The following GUCY2F variants were observed in gnomAD, a reference collection of about 807,000 sequenced individuals.
The protein encoded by GUCY2F is guanylate cyclase 2F, retinal.
In GUCY2F, 61 loss-of-function variants were observed where a neutral mutation model predicts 73.1. The observed-to-expected ratio is 0.83, with a 90% CI of 0.68 to 1.03. The LOEUF (loss-of-function observed/expected upper bound fraction) is 1.03. Ranked by LOEUF, GUCY2F falls within the 50% of genes least tolerant of loss-of-function variation. The pLI is 0.00. For synonymous variants in GUCY2F, 331 were observed against 307.8 expected, an observed-to-expected ratio of 1.08 and a Z score of -0.79; for missense variants, 912 against 854.3, an observed-to-expected ratio of 1.07 and a Z score of -0.84.
At chrX:109,456,207 T>C (rs1932256373) in intron 3 of GUCY2F, among the ~76,000 whole-genome samples, 1 of 112,400 alleles carries the variant, frequency 8.9e-6, no homozygotes, top group South Asian at 3.6e-4. Flanking sequence ...TTCCCTCTCC[T>C]GACATTCTTG....
chrX:109,475,897 A>G lies in GUCY2F; in HGVS notation c.40T>C (p.Trp14Arg). The G allele has an allele frequency of 8.3e-7, 1 of 1,209,068 alleles. No homozygotes were observed. The highest frequency in any genetic ancestry group is 1.1e-6 in the Non-Finnish European group (1 of 894,452). ...GLGRFSRLVL[W>R]FAAFRKLLGH... ...AGCAGTTTCCTGAAAGCCGCAAACCAGAGAACAAGGCGAGAAAAGCGCCCG... is the reference window on the plus strand; with the variant it reads ...AGCAGTTTCCTGAAAGCCGCAAACCGGAGAACAAGGCGAGAAAAGCGCCCG... Residue 14 changes from tryptophan to arginine, a missense_variant, in exon 2 of 20, where the codon TGG (tryptophan) becomes CGG (arginine). By Grantham distance (101) the Trp-to-Arg change is moderately radical (BLOSUM62 -3). Coordinates refer to ENST00000218006, the MANE Select transcript of GUCY2F (RefSeq NM_001522.3).
intron 8 of GUCY2F, among the ~76,000 whole-genome samples, chrX:109,420,157 A>G (rs1191288040): frequency 9.4e-6 from 1 of 106,443 alleles, no homozygotes; most frequent in Non-Finnish European, 2.0e-5. Flanking sequence ...ACAAAAAGTA[A>G]TTCAAAATGG....
chrX:109,435,742 C>A (rs1244155953), intron 7 of GUCY2F, among the ~76,000 whole-genome samples: 3 of 111,604 alleles, frequency 2.7e-5, no homozygotes, highest in Non-Finnish European at 5.6e-5. Context: ...TTTGCCCATT[C>A]AGTATGATAT....
chrX:109,408,991 C>A lies in GUCY2F; in HGVS notation c.1968+1G>T. On this transcript the variant is annotated splice_donor_variant, in intron 9 of 19. Coordinates refer to ENST00000218006, the MANE Select transcript of GUCY2F (RefSeq NM_001522.3). LOFTEE classifies it high-confidence loss of function. ...AAGATTTCCTCAGTCTTCCCATTAA[C>A]CTTTATGAGATCCAGCAAGAGTGAT... is the stretch of plus-strand genomic sequence containing the variant. 9.4e-7 allele frequency: 1 copy of A among 1,063,064 alleles called. No homozygotes were observed. Among genetic ancestry groups the A allele is most frequent in the South Asian group, 1.9e-5 (1 of 52,384 alleles). 87.6% of individuals were successfully genotyped at this position (1,063,064 alleles called of 1,213,427 possible).
chrX:109,420,378 CAAAG>C lies in GUCY2F; in HGVS notation c.1791+9925_1791+9928del, dbSNP rs1014052134. Reference sequence around the variant, plus strand: ...AAAGAAAGAGAGAGAGAGAGAAAGACAAAGAGAAAGAAAGTAGGAGGGACAAAGG... The same window carrying C: ...AAAGAAAGAGAGAGAGAGAGAAAGACAGAAAGAAAGTAGGAGGGACAAAGG... On this transcript the variant is annotated intron_variant, in intron 8 of 19. Transcript: ENST00000218006. Among the ~76,000 whole-genome samples, 9 of 97,540 alleles carry C rather than the reference CAAAG, an allele frequency of 9.2e-5. No homozygotes were observed. The Admixed American group carries it at 1.0e-3, about 11-fold the overall frequency. The allele number at this position is 97,540 out of a possible 115,157, so 84.7% of individuals were successfully genotyped here. A position where few individuals can be genotyped will look rare whatever the true frequency, so the allele number is the denominator to read the frequency against.
intron 16 of GUCY2F, 105 bp downstream of exon 16, chrX:109,385,079 C>A: frequency 6.9e-6 from 3 of 436,920 alleles, no homozygotes; most frequent in Non-Finnish European, 8.1e-6. Context: ...TTCTTTAAAA[C>A]ATTGAAACAT....
chrX:109,435,696 G>C (rs753925271), intron 7 of GUCY2F, among the ~76,000 whole-genome samples: 128 of 111,111 alleles, frequency 1.2e-3, no homozygotes, highest in African/African-American at 4.0e-3. Context: ...GGGCATCCCT[G>C]TCTTGTGCCA....
At chrX:109,429,183 G>A (rs1311672051) in intron 8 of GUCY2F, among the ~76,000 whole-genome samples, 9 of 111,761 alleles carry the variant, frequency 8.1e-5, no homozygotes, top group Admixed American at 3.8e-4. Context: ...AGGCTGAGGC[G>A]GGCAGATCAC....
At chrX:109,416,210 G>C (rs1481119379) in intron 8 of GUCY2F, among the ~76,000 whole-genome samples, 1 of 110,293 alleles carries the variant, frequency 9.1e-6, no homozygotes, top group East Asian at 2.8e-4. Context: ...GAAAAAAAAA[G>C]GTCAATAGAA....
At chrX:109,418,787 A>G (rs1457294273) in intron 8 of GUCY2F, among the ~76,000 whole-genome samples, 1 of 111,392 alleles carries the variant, frequency 9.0e-6, no homozygotes, top group Non-Finnish European at 1.9e-5. Flanking sequence ...CAAAATGTGG[A>G]GAAAATTAAC....
intron 15 of GUCY2F, among the ~76,000 whole-genome samples, chrX:109,388,160 G>C (rs1930478280): frequency 9.0e-6 from 1 of 111,553 alleles, no homozygotes; most frequent in African/African-American, 3.3e-5. Context: ...AAATAATTCA[G>C]AAGTAGGGAT....
At position 109,375,952 on chromosome X, in the gene GUCY2F, C is replaced by A; in HGVS notation, c.3274G>T (p.Ala1092Ser). The A allele has an allele frequency of 8.3e-7, 1 of 1,210,076 alleles. No homozygotes were observed. The highest frequency in any genetic ancestry group is 1.1e-6 in the Non-Finnish European group (1 of 893,743). ...TCTGCTTTTCTTCTTTGGAAGGCTG[C>A]AATCTCCACTGGTTGCAGGCCATGG... ...VGHGLQPVEI[A>S]AFQRRKAERQ... Residue 1092 changes from alanine (A) to serine (S), a missense_variant, in exon 19 of 20, where the codon GCA (alanine) becomes TCA (serine). By Grantham distance (99) the Ala-to-Ser change is moderately conservative (BLOSUM62 1). Coordinates refer to ENST00000218006, the MANE Select transcript of GUCY2F (RefSeq NM_001522.3).
At position 109,475,395 on chromosome X, in the gene GUCY2F, T is replaced by C. The variant is rs146913547; in HGVS notation, c.542A>G (p.Lys181Arg). The change falls in exon 2 of 20, where the codon AAA becomes AGA. Residue 181 changes from lysine to arginine, a missense_variant. Coordinates refer to ENST00000218006, the MANE Select transcript of GUCY2F (RefSeq NM_001522.3). ...SPIRVLVTVM[K>R]YFQWAHAGVI... ...TCCAGCATGAGCCCACTGGAAATAT[T>C]TCATGACAGTTACAAGCACCCGGAT... 548 of 1,208,849 alleles carry C rather than the reference T, an allele frequency of 4.5e-4. No homozygotes were observed. Among genetic ancestry groups the C allele is most frequent in the Non-Finnish European group, 5.9e-4 (524 of 894,125 alleles).
intron 7 of GUCY2F, among the ~76,000 whole-genome samples, chrX:109,438,085 T>C (rs1256619387): frequency 1.8e-5 from 2 of 112,582 alleles, no homozygotes. Flanking sequence ...AGTCCATTTG[T>C]GCTGCTATAA....
At chrX:109,416,933 C>CA (rs367707786) in intron 8 of GUCY2F, among the ~76,000 whole-genome samples, 1,828 of 57,521 alleles carry the variant, frequency 0.032, 35 homozygotes, top group Middle Eastern at 0.079. Context: ...CAAAGAAATG[C>CA]AAAAAAAAAA....
chrX:109,427,690 A>G (rs1295638774), intron 8 of GUCY2F, among the ~76,000 whole-genome samples: 1 of 112,183 alleles, frequency 8.9e-6, no homozygotes, highest in Non-Finnish European at 1.9e-5. Flanking sequence ...GCATTCAACT[A>G]AAAAGCATTA....
At chrX:109,443,859 G>C (rs756055712) in intron 6 of GUCY2F, among the ~76,000 whole-genome samples, 1 of 112,221 alleles carries the variant, frequency 8.9e-6, no homozygotes, top group East Asian at 2.8e-4. Context: ...GCTACATTTA[G>C]ACAATAACTT....
Position 109,388,539 on chromosome X carries a change from A to G in GUCY2F, c.2906T>C (p.Met969Thr). 8.3e-7 allele frequency: 1 copy of G among 1,206,158 alleles called. No homozygotes were observed. Among genetic ancestry groups the G allele is most frequent in the East Asian group, 3.0e-5 (1 of 33,828 alleles). Residue 969 changes from methionine to threonine, a missense_variant, in exon 15 of 20, where the codon ATG (methionine) becomes ACG (threonine). Coordinates refer to ENST00000218006, the MANE Select transcript of GUCY2F (RefSeq NM_001522.3). ...DILSSVGTFK[M>T]RHMPEVPVRI... is the part of the protein sequence containing the mutation. ...GACCGGCACTTCTGGCATGTGCCGC[A>G]TCTTGAAAGTGCCCACAGAGCTCAG...
At chrX:109,403,576 C>A (rs1482685882) in intron 10 of GUCY2F, among the ~76,000 whole-genome samples, 1 of 111,681 alleles carries the variant, frequency 9.0e-6, no homozygotes, top group Non-Finnish European at 1.9e-5. Flanking sequence ...CTACAGCCAT[C>A]ACTTACCAAT....
Sources: gnomAD v4.1 joint callset for allele counts (sites outside exome capture counted in the v4.1 genomes callset) on GRCh38, gnomAD v4.1.1 for gene constraint, MANE v1.5 for transcripts, NCBI Gene and HGNC (gene_info 2026-07-23, HGNC 2026-07-21) for gene names.